Variants in EYA4 observed in about 807,000 individuals in gnomAD.
EYA4 encodes the protein EYA transcriptional coactivator and phosphatase 4, also known as protein phosphatase EYA4.
In EYA4, 31 loss-of-function variants were observed where a neutral mutation model predicts 87.9. That is an observed-to-expected ratio of 0.35 (90% CI 0.27 to 0.48). The LOEUF (loss-of-function observed/expected upper bound fraction) is 0.48. Among genes scored for constraint, EYA4 ranks in the 20% least tolerant of loss-of-function variants. The pLI is 0.99. For synonymous variants in EYA4, 263 were observed against 270.6 expected (o/e 0.97, Z 0.28); for missense variants, 678 against 761.4 (o/e 0.89, Z 1.29).
intron 13 of EYA4, among the ~76,000 whole-genome samples, chr6:133,491,470 G>A (rs1308302266): frequency 6.6e-6 from 1 of 152,116 alleles, no homozygotes; most frequent in Non-Finnish European, 1.5e-5. Flanking sequence ...AAAAGGAGAC[G>A]TTACAACTAT....
chr6:133,352,845 G>C (rs2128428390), intron 2 of EYA4, among the ~76,000 whole-genome samples: 1 of 152,106 alleles, frequency 6.6e-6, no homozygotes, highest in Admixed American at 6.5e-5. Context: ...TGGAAAATCA[G>C]TCGCCTGTAG....
At chr6:133,269,061 G>A (rs866726000) in intron 1 of EYA4, among the ~76,000 whole-genome samples, 10 of 152,054 alleles carry the variant, frequency 6.6e-5, no homozygotes, top group African/African-American at 2.2e-4. Flanking sequence ...GGGTTCGAGA[G>A]CAGCCTGGCC....
chr6:133,432,388 G>A (rs1320674599), intron 3 of EYA4, among the ~76,000 whole-genome samples: 2 of 152,116 alleles, frequency 1.3e-5, no homozygotes, highest in Admixed American at 1.3e-4. Context: ...CTGAGCTCCT[G>A]CTGATTTCAG....
At chr6:133,241,344 TC>T (rs1430420048), upstream of EYA4, 1 of 152,136 alleles carries the variant, frequency 6.6e-6, no homozygotes, top group Non-Finnish European at 1.5e-5. Context: ...CTCCGGCCGT[TC>T]CCGGCTTCCG....
At chr6:133,404,485 A>G (rs1279791550) in intron 3 of EYA4, among the ~76,000 whole-genome samples, 2 of 151,702 alleles carry the variant, frequency 1.3e-5, no homozygotes, top group Non-Finnish European at 1.5e-5. Context: ...AAACTTTCAG[A>G]GCTGTTTTTT....
At chr6:133,499,642 T>C (rs2128746071) in intron 13 of EYA4, among the ~76,000 whole-genome samples, 1 of 152,304 alleles carries the variant, frequency 6.6e-6, no homozygotes, top group African/African-American at 2.4e-5. Flanking sequence ...CAAAATGTGC[T>C]AGCTTTTCAC....
At chr6:133,517,038 T>C (rs1378057056) in intron 17 of EYA4, among the ~76,000 whole-genome samples, 2 of 152,214 alleles carry the variant, frequency 1.3e-5, no homozygotes, top group South Asian at 2.1e-4. Context: ...TACCCAGTAC[T>C]GGGATTGCTG....
chr6:133,503,158 A>G (rs1186906250), intron 13 of EYA4, among the ~76,000 whole-genome samples: 1 of 152,182 alleles, frequency 6.6e-6, no homozygotes. Context: ...GCTTGTTTGC[A>G]TGCTTATCAG....
At chr6:133,487,036 C>G (rs1259903407) in intron 13 of EYA4, among the ~76,000 whole-genome samples, 1 of 152,212 alleles carries the variant, frequency 6.6e-6, no homozygotes, top group Non-Finnish European at 1.5e-5. Context: ...CCACACCAGT[C>G]TTCCAGCAGC....
At chr6:133,499,649 T>A (rs1351045877) in intron 13 of EYA4, among the ~76,000 whole-genome samples, 1 of 152,164 alleles carries the variant, frequency 6.6e-6, no homozygotes, top group African/African-American at 2.4e-5. Flanking sequence ...TGCTAGCTTT[T>A]CACCTTTACC....
intron 3 of EYA4, among the ~76,000 whole-genome samples, chr6:133,405,421 A>G (rs1280182083): frequency 1.3e-5 from 2 of 152,222 alleles, no homozygotes; most frequent in Non-Finnish European, 2.9e-5. Flanking sequence ...TTGTTTGGGA[A>G]AACTCAAGGC....
In EYA4 at chr6:133,456,523, G is replaced by A; in HGVS notation, c.278-33G>A. Reference sequence around the variant, plus strand: ...CAGAGTCTTTGACATAAATTTAGAAGTAAAACTCACATGTACTTATTCTTC... The same window carrying A: ...CAGAGTCTTTGACATAAATTTAGAAATAAAACTCACATGTACTTATTCTTC... On this transcript the variant is annotated intron_variant, in intron 5 of 19. Transcript: ENST00000355286. 2.1e-6 allele frequency: 3 copies of A among 1,426,974 alleles called. No homozygotes were observed. In the South Asian group the frequency reaches 3.4e-5, roughly 16 times the overall value. The allele number at this position is 1,426,974 out of a possible 1,614,324, so 88.4% of individuals were successfully genotyped here. A position where few individuals can be genotyped will look rare whatever the true frequency, so the allele number is the denominator to read the frequency against.
chr6:133,509,444 C>T (rs1159743704), intron 14 of EYA4, among the ~76,000 whole-genome samples: 1 of 151,418 alleles, frequency 6.6e-6, no homozygotes, highest in South Asian at 2.1e-4. Context: ...ACACTCCATT[C>T]TTTCAGTAGA....
chr6:133,486,560 A>C (rs949289374), intron 13 of EYA4, among the ~76,000 whole-genome samples: 1 of 107,584 alleles, frequency 9.3e-6, no homozygotes, highest in South Asian at 2.4e-4. Context: ...AAAACAAAAC[A>C]AAAAAAAACA....
intron 2 of EYA4, among the ~76,000 whole-genome samples, chr6:133,317,089 C>T (rs1230585066): frequency 1.3e-5 from 2 of 152,166 alleles, no homozygotes; most frequent in African/African-American, 2.4e-5. Context: ...GAGTCTACAC[C>T]AGATGGTGTT....
At chr6:133,319,276 C>T (rs928017894) in intron 2 of EYA4, among the ~76,000 whole-genome samples, 14 of 152,198 alleles carry the variant, frequency 9.2e-5, no homozygotes, top group Non-Finnish European at 8.8e-5. Context: ...AGGCATAAGC[C>T]GGAAGTTGTG....
intron 1 of EYA4, among the ~76,000 whole-genome samples, chr6:133,268,356 G>C (rs59770556): frequency 0.067 from 10,247 of 152,202 alleles, 1,186 homozygotes; most frequent in African/African-American, 0.23. Context: ...GCAATGAATT[G>C]TATGGTCTCT....
intron 17 of EYA4, among the ~76,000 whole-genome samples, chr6:133,518,694 T>G (rs1799827045): frequency 6.6e-6 from 1 of 152,128 alleles, no homozygotes; most frequent in African/African-American, 2.4e-5. Flanking sequence ...CTCTAAAAAA[T>G]TCTGGTGCAT....
At chr6:133,278,239 A>T (rs1182189604) in intron 2 of EYA4, among the ~76,000 whole-genome samples, 1 of 151,830 alleles carries the variant, frequency 6.6e-6, no homozygotes, top group Admixed American at 6.6e-5. Flanking sequence ...ATTCTTGAAG[A>T]CTCAGTTTAG....
Sources: allele counts gnomAD v4.1 joint callset (sites outside exome capture counted in the v4.1 genomes callset), GRCh38; gene constraint gnomAD v4.1.1; transcripts MANE v1.5; gene names NCBI Gene and HGNC (gene_info 2026-07-23, HGNC 2026-07-21).